PRR12: variants seen among roughly 807,000 people sequenced by gnomAD.
The protein encoded by PRR12 is proline-rich protein 12.
A neutral mutation model predicts 138.0 loss-of-function variants in PRR12; 12 were observed. The ratio of observed to expected loss-of-function variants is 0.09; its 90% CI spans 0.06 to 0.14. The LOEUF (loss-of-function observed/expected upper bound fraction) is 0.14, where lower values mean the gene tolerates loss of function less well. Among genes scored for constraint, PRR12 ranks in the 10% least tolerant of loss-of-function variants. PRR12 has a pLI of 1.00. For missense variants in PRR12, 2,692 were observed against 2,861.3 expected (o/e 0.94, Z 1.35); for synonymous variants, 1,567 against 1,291.7 (o/e 1.21, Z -4.57).
chr19:49,607,583 T>A (rs1599794671), intron 6 of PRR12, among the ~76,000 whole-genome samples: 1 of 151,816 alleles, frequency 6.6e-6, no homozygotes. Context: ...TGGCATGTGC[T>A]TGTTGTCCCA....
intron 11 of PRR12, 49 bp downstream of exon 11, chr19:49,621,671 G>C (rs1204172683): frequency 7.0e-7 from 1 of 1,421,836 alleles, no homozygotes; most frequent in Non-Finnish European, 9.7e-7. Flanking sequence ...GGTCCACATG[G>C]AGAAGACATG....
At chr19:49,615,663 G>A (rs2080888318) in intron 8 of PRR12, 84 bp from the exon 9 acceptor site, 4 of 1,133,406 alleles carry the variant, frequency 3.5e-6, no homozygotes, top group Non-Finnish European at 3.8e-6. Context: ...CTATTCCTGT[G>A]CCTAGGGCAC....
intron 9 of PRR12, among the ~76,000 whole-genome samples, chr19:49,619,140 G>A (rs535227594): frequency 4.6e-5 from 7 of 151,006 alleles, no homozygotes; most frequent in Admixed American, 1.3e-4. Context: ...CTTACGTGAA[G>A]CCACAATTAA....
At position 49,594,835 on chromosome 19, in the gene PRR12, C is replaced by T. The variant is rs771517360; in HGVS notation, c.500C>T (p.Ser167Phe). ...AGCCGCCCCTTCCCAGTGCCCTCGTCCCTCAGCCTCCAGGACCCCCCATTC... is the reference window on the plus strand; with the variant it reads ...AGCCGCCCCTTCCCAGTGCCCTCGTTCCTCAGCCTCCAGGACCCCCCATTC... ...FGSRPFPVPS[S>F]LSLQDPPFSP... The change falls in exon 4 of 14, where the codon TCC (serine) becomes TTC (phenylalanine). Residue 167 changes from serine (S) to phenylalanine (F), a missense_variant. By Grantham distance (155) the Ser-to-Phe change is radical. This residue lies in a region of PRR12 where 211 missense variants were observed against 266.3 expected (regional missense o/e 0.79). Transcript: ENST00000418929. This position sits in a 1 kb window ranked among gnomAD's most constrained non-coding sequence, Gnocchi z 5.6. 1 of 1,611,574 alleles carries T rather than the reference C, an allele frequency of 6.2e-7. No homozygotes were observed. The highest frequency in any genetic ancestry group is 2.2e-5 in the East Asian group (1 of 44,810).
intron 9 of PRR12, among the ~76,000 whole-genome samples, chr19:49,618,675 C>T (rs1031140440): frequency 6.6e-6 from 1 of 152,160 alleles, no homozygotes; most frequent in Non-Finnish European, 1.5e-5. Flanking sequence ...AGGCATGAGC[C>T]ACTGCACCCG....
In PRR12 at chr19:49,597,943, G is replaced by C; in HGVS notation, c.3608G>C (p.Arg1203Pro). The C allele has an allele frequency of 7.1e-7, 1 of 1,402,512 alleles. No homozygotes were observed. The highest frequency in any genetic ancestry group is 9.2e-7 in the Non-Finnish European group (1 of 1,082,004). 86.9% of individuals were successfully genotyped at this position (1,402,512 alleles called of 1,614,324 possible). A position where few individuals can be genotyped will look rare whatever the true frequency, so the allele number is the denominator to read the frequency against. ...PTDGAKKPRG[R>P]GRGRGRKAEE... is the part of the protein sequence containing the mutation. ...GATGGCGCCAAGAAACCCCGGGGCC[G>C]GGGCCGAGGCCGGGGTCGAAAGGCT... is the stretch of plus-strand genomic sequence containing the variant. Residue 1203 changes from arginine to proline, a missense_variant, in exon 4 of 14, where the codon CGG becomes CCG. Coordinates refer to ENST00000418929, the MANE Select transcript of PRR12 (RefSeq NM_020719.3). This position sits in a 1 kb window ranked among gnomAD's most constrained non-coding sequence, Gnocchi z 6.3.
intron 6 of PRR12, among the ~76,000 whole-genome samples, chr19:49,604,626 C>T (rs984945676): frequency 2.0e-5 from 3 of 151,854 alleles, no homozygotes; most frequent in African/African-American, 7.3e-5. Flanking sequence ...TGCAGAGAGC[C>T]AACATCACGC....
chr19:49,591,628 C>T lies in PRR12; in HGVS notation c.-27C>T, dbSNP rs779838338. The T allele has an allele frequency of 4.6e-6, 5 of 1,093,916 alleles. No homozygotes were observed. The highest frequency in any genetic ancestry group is 2.9e-4 in the Middle Eastern group (1 of 3,498). The allele number at this position is 1,093,916 out of a possible 1,614,324, so 67.8% of individuals were successfully genotyped here. ...CCTCCCTCCCTCCCTCCCTCCCCCTCCCCCCAATTTCCACCGCGGCCAATT... is the reference window on the plus strand; with the variant it reads ...CCTCCCTCCCTCCCTCCCTCCCCCTTCCCCCAATTTCCACCGCGGCCAATT... On this transcript the variant is annotated 5_prime_UTR_variant, in exon 1 of 14. Coordinates refer to ENST00000418929, the MANE Select transcript of PRR12 (RefSeq NM_020719.3).
intron 10 of PRR12, 30 bp downstream of exon 10, chr19:49,620,507 G>T (rs993352550): frequency 7.2e-6 from 11 of 1,521,204 alleles, no homozygotes; most frequent in African/African-American, 5.5e-5. Flanking sequence ...GGAGGGGGGG[G>T]GGCTGACTCG....
chr19:49,591,645 C>G lies in PRR12; in HGVS notation c.-10C>G. The G allele has an allele frequency of 7.2e-7, 1 of 1,393,114 alleles. No homozygotes were observed. Among genetic ancestry groups the G allele is most frequent in the Non-Finnish European group, 9.4e-7 (1 of 1,062,666 alleles). The allele number at this position is 1,393,114 out of a possible 1,614,324, so 86.3% of individuals were successfully genotyped here. ...CTCCCCCTCCCCCCAATTTCCACCG[C>G]GGCCAATTCATGGACAGGAACTACC... On this transcript the variant is annotated 5_prime_UTR_variant, in exon 1 of 14. Transcript: ENST00000418929.
rs751000151 is a variant in PRR12, at chr19:49,624,976, G to A, written c.5854G>A (p.Val1952Met). ...RKTLSKLKRS[V>M]VRAQEFKVEL... ...GACGCTCAGCAAGCTCAAGAGGAGC[G>A]TGGTCAGAGCCCAGGTGGGCACTGG... The change falls in exon 12 of 14, where the codon GTG becomes ATG. Residue 1952 changes from valine (V) to methionine (M), a missense_variant. Val to Met is a conservative substitution (Grantham distance 21, BLOSUM62 1). This residue lies in a region of PRR12 where 116 missense variants were observed against 243.4 expected (regional missense o/e 0.48). Transcript: ENST00000418929. The A allele has an allele frequency of 1.4e-5, 22 of 1,599,542 alleles. No individual in the cohort carries two copies. The highest frequency in any genetic ancestry group is 2.2e-5 in the East Asian group (1 of 44,712).
chr19:49,619,628 G>A (rs1334182330), intron 9 of PRR12, among the ~76,000 whole-genome samples: 3 of 130,346 alleles, frequency 2.3e-5, no homozygotes, highest in African/African-American at 6.0e-5. Context: ...CGCAACCTCC[G>A]CCTCCCAGGT....
At chr19:49,604,991 A>G (rs1047723380) in intron 6 of PRR12, among the ~76,000 whole-genome samples, 1 of 152,054 alleles carries the variant, frequency 6.6e-6, no homozygotes, top group African/African-American at 2.4e-5. Context: ...AGCTGGGACT[A>G]CAGAGGATCC....
At position 49,625,019 on chromosome 19, in the gene PRR12, G is replaced by A; in HGVS notation, c.5868+29G>A. 6.2e-7 allele frequency: 1 copy of A among 1,609,600 alleles called. No individual in the cohort carries two copies. The highest frequency in any genetic ancestry group is 8.5e-7 in the Non-Finnish European group (1 of 1,177,092). On this transcript the variant is annotated intron_variant, in intron 12 of 13. Coordinates refer to ENST00000418929, the MANE Select transcript of PRR12 (RefSeq NM_020719.3). The surrounding 1 kb of genome is among the most constrained non-coding windows in gnomAD (Gnocchi z 5.5). The stretch of plus-strand genomic sequence containing the variant: ...GGCACTGGGGCTGGGGCTGGGAGTG[G>A]GGAGTGCTGGCGGTATGTGGGAAGG...
At chr19:49,612,575 C>T (rs190826905) in intron 6 of PRR12, among the ~76,000 whole-genome samples, 7 of 152,202 alleles carry the variant, frequency 4.6e-5, no homozygotes, top group Admixed American at 2.0e-4. Flanking sequence ...TCAACAGCTT[C>T]CTGAGAGGTC....
At chr19:49,606,179 C>T (rs1445362507) in intron 6 of PRR12, among the ~76,000 whole-genome samples, 1 of 151,762 alleles carries the variant, frequency 6.6e-6, no homozygotes, top group African/African-American at 2.4e-5. Flanking sequence ...TTTTTTATTC[C>T]TTAAGTAGAG....
intron 10 of PRR12, among the ~76,000 whole-genome samples, chr19:49,620,866 T>C (rs1233832431): frequency 8.3e-6 from 1 of 120,450 alleles, no homozygotes; most frequent in African/African-American, 3.2e-5. Context: ...AGACTCCTGG[T>C]TCTGAGGGAG....
At chr19:49,624,306 G>C (rs2080942292) in intron 11 of PRR12, among the ~76,000 whole-genome samples, 1 of 145,874 alleles carries the variant, frequency 6.9e-6, no homozygotes, top group Admixed American at 6.8e-5. Context: ...TAGGTGGTTA[G>C]GATGGTGCTG....
chr19:49,596,772 T>C lies in PRR12; in HGVS notation c.2437T>C (p.Ser813Pro), dbSNP rs774005595. The C allele has an allele frequency of 1.9e-6, 3 of 1,587,768 alleles. No homozygotes were observed. The highest frequency in any genetic ancestry group is 1.7e-6 in the Non-Finnish European group (2 of 1,174,258). ...GGTCCTCAGCCATGCCCCCAGTCCC[T>C]CTCCCAGCGCCTCCAAAGTCGGCGT... ...PSVLSHAPSP[S>P]PSASKVGVHL... The change falls in exon 4 of 14, where the codon TCT becomes CCT. Residue 813 changes from serine (S) to proline (P), a missense_variant. Coordinates refer to ENST00000418929, the MANE Select transcript of PRR12 (RefSeq NM_020719.3). The surrounding 1 kb of genome is among the most constrained non-coding windows in gnomAD (Gnocchi z 5.6).
Sources: gnomAD v4.1 joint callset for allele counts (sites outside exome capture counted in the v4.1 genomes callset) on GRCh38, gnomAD v4.1.1 for gene constraint, gnomAD v4.1.1 regional missense constraint, Gnocchi (gnomAD v3.1) non-coding constraint, MANE v1.5 for transcripts, NCBI Gene and HGNC (gene_info 2026-07-23, HGNC 2026-07-21) for gene names.